GABRB1: variants seen among roughly 807,000 people sequenced by gnomAD.
The protein encoded by GABRB1 is gamma-aminobutyric acid type A receptor subunit beta1.
A neutral mutation model predicts 51.6 loss-of-function variants in GABRB1; 17 were observed. The observed-to-expected ratio is 0.33, with a 90% CI of 0.23 to 0.49. GABRB1 has a LOEUF of 0.49. Ranked by LOEUF, GABRB1 falls within the 20% of genes least tolerant of loss-of-function variation. The probability of loss-of-function intolerance (pLI) is 0.99; values close to 1 mark genes in which losing one functional copy is unlikely to be tolerated. For synonymous variants in GABRB1, 247 were observed against 218.9 expected (o/e 1.13, Z -1.14); for missense variants, 410 against 600.6 (o/e 0.68, Z 3.32).
intron 4 of GABRB1, among the ~76,000 whole-genome samples, chr4:47,252,622 C>T (rs1410949039): frequency 1.3e-5 from 2 of 149,472 alleles, no homozygotes; most frequent in African/African-American, 4.9e-5. Flanking sequence ...ATTCTTCTGC[C>T]TCAGCCTCCC....
At chr4:47,372,635 TCACCCTGC>T in intron 5 of GABRB1, among the ~76,000 whole-genome samples, 1 of 152,228 alleles carries the variant, frequency 6.6e-6, no homozygotes, top group Non-Finnish European at 1.5e-5. Context: ...GTCGGCTCTG[TCACCCTGC>T]TTTTCTTTCT....
At chr4:47,186,819 G>A (rs547431009) in intron 4 of GABRB1, among the ~76,000 whole-genome samples, 76 of 151,942 alleles carry the variant, frequency 5.0e-4, no homozygotes, top group Non-Finnish European at 9.0e-4. Context: ...TCTTAGAGGT[G>A]CTTTATCCAA....
intron 4 of GABRB1, among the ~76,000 whole-genome samples, chr4:47,242,224 T>C (rs1721552161): frequency 6.6e-6 from 1 of 152,180 alleles, no homozygotes; most frequent in South Asian, 2.1e-4. Context: ...ACTCATCCTT[T>C]CTTATGGCTG....
At chr4:47,425,572 C>A in intron 8 of GABRB1, 102 bp from the exon 9 acceptor site, 1 of 869,046 alleles carries the variant, frequency 1.2e-6, no homozygotes, top group South Asian at 1.7e-5. Context: ...TGTTTAGGAA[C>A]ACAGTGTTTA....
chr4:47,386,376 C>A (rs1031859265), intron 5 of GABRB1, among the ~76,000 whole-genome samples: 18 of 152,080 alleles, frequency 1.2e-4, no homozygotes, highest in Admixed American at 9.8e-4. Flanking sequence ...AAATATTCTC[C>A]CCTTTGACTA....
intron 8 of GABRB1, among the ~76,000 whole-genome samples, chr4:47,408,801 A>G (rs540223759): frequency 6.6e-6 from 1 of 152,236 alleles, no homozygotes; most frequent in South Asian, 2.1e-4. Context: ...CTTCAAACAT[A>G]CTAATTCATC....
At chr4:47,333,810 T>C (rs1344478725) in intron 5 of GABRB1, among the ~76,000 whole-genome samples, 2 of 152,166 alleles carry the variant, frequency 1.3e-5, no homozygotes, top group Non-Finnish European at 2.9e-5. Context: ...ATAATTTCTG[T>C]GTGTTAATCT....
intron 3 of GABRB1, among the ~76,000 whole-genome samples, chr4:47,153,281 A>G (rs1463320499): frequency 6.6e-6 from 1 of 151,982 alleles, no homozygotes; most frequent in Non-Finnish European, 1.5e-5. Flanking sequence ...AAGCTAAAAT[A>G]TTTTGACTTG....
At chr4:47,160,932 A>G (rs1717920525) in intron 3 of GABRB1, among the ~76,000 whole-genome samples, 1 of 151,952 alleles carries the variant, frequency 6.6e-6, no homozygotes, top group African/African-American at 2.4e-5. Flanking sequence ...TATTATAAGC[A>G]TGTACCACCA....
At chr4:47,136,652 C>A (rs977817441) in intron 3 of GABRB1, among the ~76,000 whole-genome samples, 9 of 152,008 alleles carry the variant, frequency 5.9e-5, no homozygotes, top group Admixed American at 5.9e-4. Flanking sequence ...GAATAGAATT[C>A]ACTCTAATGA....
At chr4:47,220,844 T>C (rs1450652968) in intron 4 of GABRB1, among the ~76,000 whole-genome samples, 2 of 152,030 alleles carry the variant, frequency 1.3e-5, no homozygotes, top group African/African-American at 4.8e-5. Flanking sequence ...CTCTTGTGGC[T>C]TCTCTCCAAT....
At chr4:47,177,072 A>G (rs181011067) in intron 4 of GABRB1, among the ~76,000 whole-genome samples, 3 of 152,252 alleles carry the variant, frequency 2.0e-5, no homozygotes, top group East Asian at 3.9e-4. Context: ...GTCAGGTCTC[A>G]TGTACTGTTT....
chr4:47,264,597 T>C (rs1722575539), intron 4 of GABRB1, among the ~76,000 whole-genome samples: 2 of 152,226 alleles, frequency 1.3e-5, no homozygotes, highest in Admixed American at 6.5e-5. Flanking sequence ...ATGCAAACCA[T>C]GAGATGAAAA....
chr4:47,259,091 T>G (rs980284278), intron 4 of GABRB1, among the ~76,000 whole-genome samples: 2 of 152,144 alleles, frequency 1.3e-5, no homozygotes, highest in Non-Finnish European at 1.5e-5. Flanking sequence ...TGATCAATTC[T>G]AGTCCCCACA....
chr4:47,044,005 C>G (rs1473765432), intron 3 of GABRB1, among the ~76,000 whole-genome samples: 7 of 152,004 alleles, frequency 4.6e-5, no homozygotes, highest in Non-Finnish European at 1.0e-4. Context: ...ATACGTTTTC[C>G]CAGAATCAGC....
At chr4:47,327,521 A>G (rs2109970728) in intron 5 of GABRB1, among the ~76,000 whole-genome samples, 1 of 152,320 alleles carries the variant, frequency 6.6e-6, no homozygotes, top group East Asian at 1.9e-4. Context: ...TAAGGCATTA[A>G]CTATGTTCTT....
intron 4 of GABRB1, among the ~76,000 whole-genome samples, chr4:47,185,476 T>C (rs991500073): frequency 1.1e-4 from 17 of 151,858 alleles, no homozygotes; most frequent in Non-Finnish European, 2.4e-4. Context: ...GTAATGAATT[T>C]AGTTTTAGTC....
At chr4:47,108,835 T>C (rs75909069) in intron 3 of GABRB1, among the ~76,000 whole-genome samples, 1 of 152,038 alleles carries the variant, frequency 6.6e-6, no homozygotes, top group South Asian at 2.1e-4. Context: ...CCAAAACAGA[T>C]CATGGAGAAA....
intron 3 of GABRB1, among the ~76,000 whole-genome samples, chr4:47,141,481 T>G (rs1716931401): frequency 6.6e-6 from 1 of 151,992 alleles, no homozygotes; most frequent in South Asian, 2.1e-4. Context: ...TCATTCACAT[T>G]TTGTAAATTT....
Sources: gnomAD v4.1 joint callset for allele counts (sites outside exome capture counted in the v4.1 genomes callset) on GRCh38, gnomAD v4.1.1 for gene constraint, MANE v1.5 for transcripts, NCBI Gene and HGNC (gene_info 2026-07-23, HGNC 2026-07-21) for gene names.